The following STARD9 variants were observed in gnomAD, a reference collection of about 807,000 sequenced individuals.
STARD9 encodes stAR-related lipid transfer protein 9.
A neutral mutation model predicts 399.8 loss-of-function variants in STARD9; 346 were observed. That is an observed-to-expected ratio of 0.87 (90% CI 0.79 to 0.95). The LOEUF (loss-of-function observed/expected upper bound fraction) is 0.95, where lower values mean the gene tolerates loss of function less well. Among genes scored for constraint, STARD9 ranks in the 40% least tolerant of loss-of-function variants. STARD9 has a pLI of 0.00. For missense variants in STARD9, 5,832 were observed against 5,667.5 expected, an observed-to-expected ratio of 1.03 and a Z score of -0.93; for synonymous variants, 2,203 against 2,143.5, an observed-to-expected ratio of 1.03 and a Z score of -0.77.
intron 31 of STARD9, 24 bp from the exon 32 acceptor site, chr15:42,718,728 A>T (rs1595839108): frequency 1.3e-6 from 2 of 1,536,060 alleles, no homozygotes; most frequent in Non-Finnish European, 1.7e-6. Context: ...CACAGGCAGG[A>T]CTCCCATTTC....
Position 42,693,636 on chromosome 15 carries a change from C to G in STARD9, c.12058C>G (p.Leu4020Val), listed in dbSNP as rs189975160. 18 of 1,537,274 alleles carry G rather than the reference C, an allele frequency of 1.2e-5. No homozygotes were observed. The African/African-American group carries it at 2.3e-4, about 20-fold the overall frequency. ...GVQSRLLPPP[L>V]RHRSQRLGNS... ...CCAAAGCAGACTGCTGCCACCACCACTGAGGCACAGGAGCCAAAGGCTGGG... is the reference window on the plus strand; with the variant it reads ...CCAAAGCAGACTGCTGCCACCACCAGTGAGGCACAGGAGCCAAAGGCTGGG... Residue 4020 changes from leucine (L) to valine (V), a missense_variant, in exon 23 of 33, where the codon CTG becomes GTG. This residue lies in a region of STARD9 where 5,828 missense variants were observed against 5,651.1 expected (regional missense o/e 1.03). Coordinates refer to ENST00000290607, the MANE Select transcript of STARD9 (RefSeq NM_020759.3).
At chr15:42,642,788 G>GT (rs1175744736) in intron 7 of STARD9, among the ~76,000 whole-genome samples, 1 of 151,924 alleles carries the variant, frequency 6.6e-6, no homozygotes, top group East Asian at 1.9e-4. Flanking sequence ...TGAAGGACCA[G>GT]TTTTTTTTGT....
chr15:42,607,041 G>A (rs546377882), intron 3 of STARD9, among the ~76,000 whole-genome samples: 2 of 151,720 alleles, frequency 1.3e-5, no homozygotes, highest in South Asian at 4.2e-4. Context: ...TCTATCTCCC[G>A]GGCTCAAGTG....
chr15:42,663,592 TG>T, intron 12 of STARD9, 102 bp downstream of exon 12: 1 of 624,052 alleles, frequency 1.6e-6, no homozygotes, highest in Non-Finnish European at 2.8e-6. Context: ...GGATCTGTGT[TG>T]GGACTGGTAC....
intron 3 of STARD9, among the ~76,000 whole-genome samples, chr15:42,628,187 G>C (rs976100634): frequency 6.6e-6 from 1 of 152,166 alleles, no homozygotes; most frequent in South Asian, 2.1e-4. Flanking sequence ...GATGATCAGT[G>C]ATGTTAATAT....
In STARD9 at chr15:42,691,933, C is replaced by T; in HGVS notation, c.10355C>T (p.Ser3452Phe). The T allele has an allele frequency of 6.5e-7, 1 of 1,537,260 alleles. No individual in the cohort carries two copies. The highest frequency in any genetic ancestry group is 8.7e-7 in the Non-Finnish European group (1 of 1,146,912). Reference sequence around the variant, plus strand: ...CAGGTTAGGCCAGAAAATTGGTGCTCTCAGATGGACAAAGGAATGCTGCAC... The same window carrying T: ...CAGGTTAGGCCAGAAAATTGGTGCTTTCAGATGGACAAAGGAATGCTGCAC... ...GVQVRPENWC[S>F]QMDKGMLHFG... The change falls in exon 23 of 33, where the codon TCT becomes TTT. Residue 3452 changes from serine (S) to phenylalanine (F), a missense_variant. Physicochemically the swap from Ser to Phe is radical, Grantham distance 155. This residue lies in a region of STARD9 where 5,828 missense variants were observed against 5,651.1 expected (regional missense o/e 1.03). Transcript: ENST00000290607.
intron 7 of STARD9, among the ~76,000 whole-genome samples, chr15:42,645,562 G>T (rs2141966520): frequency 6.6e-6 from 1 of 151,528 alleles, no homozygotes. Context: ...AGGGCCCTAG[G>T]ATTTTTTTTT....
At chr15:42,666,569 G>C (rs16956991) in intron 15 of STARD9, among the ~76,000 whole-genome samples, 4,071 of 152,248 alleles carry the variant, frequency 0.027, 164 homozygotes, top group African/African-American at 0.086. Flanking sequence ...GGTAAGGTTA[G>C]GGCACATTTA....
chr15:42,629,910 A>G (rs781320242), intron 3 of STARD9: 6 of 150,912 alleles, frequency 4.0e-5, no homozygotes, highest in Admixed American at 4.0e-4. Context: ...TGTTGACATG[A>G]TGTATCACAT....
chr15:42,686,449 T>A lies in STARD9; in HGVS notation c.4871T>A (p.Val1624Asp), dbSNP rs1244737489. The change falls in exon 23 of 33, where the codon GTC (valine) becomes GAC (aspartate). Residue 1624 changes from valine (V) to aspartate (D), a missense_variant. This residue lies in a region of STARD9 where 5,828 missense variants were observed against 5,651.1 expected (regional missense o/e 1.03). Coordinates refer to ENST00000290607, the MANE Select transcript of STARD9 (RefSeq NM_020759.3). ...IPDSMTEACE[V>D]KQNNLEECLQ... Reference sequence around the variant, plus strand: ...GATTCCATGACAGAAGCATGTGAAGTCAAGCAGAACAACTTGGAAGAATGC... The same window carrying A: ...GATTCCATGACAGAAGCATGTGAAGACAAGCAGAACAACTTGGAAGAATGC... 7 of 1,537,560 alleles carry A rather than the reference T, an allele frequency of 4.6e-6. No homozygotes were observed. Among genetic ancestry groups the A allele is most frequent in the Non-Finnish European group, 6.1e-6 (7 of 1,147,020 alleles).
intron 3 of STARD9, among the ~76,000 whole-genome samples, chr15:42,587,854 C>T (rs2058308999): frequency 6.6e-6 from 1 of 152,098 alleles, no homozygotes; most frequent in South Asian, 2.1e-4. Flanking sequence ...CATGAGTCAC[C>T]ATGCCAGGGT....
chr15:42,658,263 G>C (rs1375676032), intron 9 of STARD9, among the ~76,000 whole-genome samples: 3 of 150,410 alleles, frequency 2.0e-5, no homozygotes, highest in Non-Finnish European at 4.4e-5. Context: ...TCCCACCTCA[G>C]CCTCCCAAGT....
chr15:42,651,205 C>T (rs1325038319), intron 8 of STARD9, 120 bp downstream of exon 8: 2 of 619,226 alleles, frequency 3.2e-6, no homozygotes, highest in Non-Finnish European at 5.3e-6. Flanking sequence ...GAGATGTTCA[C>T]AACCAGGAGG....
At chr15:42,616,517 A>C (rs2058965033) in intron 3 of STARD9, among the ~76,000 whole-genome samples, 1 of 152,234 alleles carries the variant, frequency 6.6e-6, no homozygotes, top group Non-Finnish European at 1.5e-5. Flanking sequence ...TGTTAGCGGC[A>C]GAATATCACA....
In STARD9 at chr15:42,652,556, C is replaced by G; in HGVS notation, c.666C>G (p.Ser222Arg). ...CCACCCATGTTCATGAGGCCAGCAG[C>G]AGATCCCACGCCATTTTCACGATCC... ...TAATHVHEAS[S>R]RSHAIFTIHY... Residue 222 changes from serine to arginine, a missense_variant, in exon 9 of 33, where the codon AGC becomes AGG. Physicochemically the swap from Ser to Arg is moderately radical, Grantham distance 110 (BLOSUM62 -1). Transcript: ENST00000290607. 6.5e-7 allele frequency: 1 copy of G among 1,537,032 alleles called. No individual in the cohort carries two copies. The highest frequency in any genetic ancestry group is 8.7e-7 in the Non-Finnish European group (1 of 1,146,698).
chr15:42,614,984 C>G (rs2058929320), intron 3 of STARD9, among the ~76,000 whole-genome samples: 1 of 145,992 alleles, frequency 6.8e-6, no homozygotes, highest in South Asian at 2.2e-4. Context: ...AAACAGAAAA[C>G]AGCAGTTCAT....
intron 3 of STARD9, chr15:42,630,114 C>T (rs545385068): frequency 6.6e-6 from 1 of 151,092 alleles, no homozygotes; most frequent in East Asian, 1.9e-4. Flanking sequence ...AGTGATTCTC[C>T]TGCCTCAGCC....
Position 42,583,225 on chromosome 15 carries a change from C to T in STARD9, c.48-121C>T. 4 of 670,110 alleles carry T rather than the reference C, an allele frequency of 6.0e-6. No homozygotes were observed. The South Asian group carries it at 6.0e-5, about 10-fold the overall frequency. 41.5% of individuals were successfully genotyped at this position (670,110 alleles called of 1,614,324 possible). A position where few individuals can be genotyped will look rare whatever the true frequency, so the allele number is the denominator to read the frequency against. On this transcript the variant is annotated intron_variant, in intron 1 of 32. Coordinates refer to ENST00000290607, the MANE Select transcript of STARD9 (RefSeq NM_020759.3). The stretch of plus-strand genomic sequence containing the variant: ...CGACGCTTATAGCCATTTATGGAGA[C>T]AGACGCTTCTCTTAAGGGTACAGCA...
At chr15:42,678,936 A>G (rs930526329) in intron 20 of STARD9, among the ~76,000 whole-genome samples, 3 of 152,214 alleles carry the variant, frequency 2.0e-5, no homozygotes, top group African/African-American at 7.2e-5. Context: ...TGCTGCATCT[A>G]TACAGATGGC....
Sources: gnomAD v4.1 joint callset for allele counts (sites outside exome capture counted in the v4.1 genomes callset) on GRCh38, gnomAD v4.1.1 for gene constraint, gnomAD v4.1.1 regional missense constraint, MANE v1.5 for transcripts, NCBI Gene and HGNC (gene_info 2026-07-23, HGNC 2026-07-21) for gene names.